AFF1: variants seen among roughly 807,000 people sequenced by gnomAD.
The protein encoded by AFF1 is AF4/FMR2 family member 1.
Under a neutral mutation model 121.7 loss-of-function variants are expected in AFF1, and 48 were observed. The observed-to-expected ratio is 0.39, with a 90% confidence interval of 0.31 to 0.50. The LOEUF is 0.50. Among genes scored for constraint, AFF1 ranks in the 20% least tolerant of loss-of-function variants. The pLI, the probability that AFF1 is intolerant of heterozygous loss-of-function variation, is 0.76. For synonymous variants in AFF1, 613 were observed against 563.0 expected, an observed-to-expected ratio of 1.09 and a Z score of -1.26; for missense variants, 1,523 against 1,511.7, an observed-to-expected ratio of 1.01 and a Z score of -0.12.
intron 1 of AFF1, among the ~76,000 whole-genome samples, chr4:86,945,656 A>G (rs964811241): frequency 2.6e-5 from 4 of 151,710 alleles, no homozygotes; most frequent in Non-Finnish European, 5.9e-5. Context: ...ATGTGCCACC[A>G]TGCCCAGCTA....
chr4:86,941,912 G>C (rs1037038996), intron 1 of AFF1, among the ~76,000 whole-genome samples: 1 of 150,920 alleles, frequency 6.6e-6, no homozygotes, highest in Non-Finnish European at 1.5e-5. Flanking sequence ...GACCCATGGA[G>C]AAATTGTCTC....
At chr4:87,009,749 G>A (rs541873733) in intron 2 of AFF1, among the ~76,000 whole-genome samples, 2 of 152,270 alleles carry the variant, frequency 1.3e-5, no homozygotes, top group African/African-American at 4.8e-5. Flanking sequence ...GGGATTTCAG[G>A]GAAACTCTAA....
intron 2 of AFF1, among the ~76,000 whole-genome samples, chr4:87,034,090 A>G (rs1457149707): frequency 6.6e-6 from 1 of 152,072 alleles, no homozygotes; most frequent in African/African-American, 2.4e-5. Flanking sequence ...GCTGGAGAGC[A>G]CCTCTGGTGG....
chr4:86,959,014 A>G (rs1721955684), intron 2 of AFF1, among the ~76,000 whole-genome samples: 1 of 152,226 alleles, frequency 6.6e-6, no homozygotes, highest in African/African-American at 2.4e-5. Context: ...GACAATGTCT[A>G]GAGAGATTTT....
intron 2 of AFF1, among the ~76,000 whole-genome samples, chr4:87,026,493 A>T (rs770518484): frequency 6.6e-6 from 1 of 152,116 alleles, no homozygotes; most frequent in Non-Finnish European, 1.5e-5. Flanking sequence ...TTCAGTTTCA[A>T]CAAAGTCGTG....
intron 4 of AFF1, among the ~76,000 whole-genome samples, chr4:87,061,246 T>C (rs1225041683): frequency 6.6e-6 from 1 of 152,188 alleles, no homozygotes; most frequent in South Asian, 2.1e-4. Flanking sequence ...GGCAGGAGCT[T>C]GTGCAGCAGA....
At chr4:86,954,713 AG>A (rs1164794007) in intron 2 of AFF1, among the ~76,000 whole-genome samples, 5 of 152,170 alleles carry the variant, frequency 3.3e-5, no homozygotes, top group African/African-American at 1.2e-4. Context: ...TGGGTGACAG[AG>A]CAAGACCCTG....
At chr4:86,988,159 A>G (rs1363059200) in intron 2 of AFF1, among the ~76,000 whole-genome samples, 4 of 151,944 alleles carry the variant, frequency 2.6e-5, no homozygotes, top group Admixed American at 6.5e-5. Flanking sequence ...CACTTAAAAC[A>G]TGTATCATTT....
chr4:86,964,570 G>A (rs891338011), intron 2 of AFF1, among the ~76,000 whole-genome samples: 1 of 151,894 alleles, frequency 6.6e-6, no homozygotes, highest in Non-Finnish European at 1.5e-5. Flanking sequence ...GAGTAGCTGG[G>A]GTTACAGGCA....
chr4:86,952,687 C>CTTTT (rs35008076), intron 2 of AFF1, among the ~76,000 whole-genome samples: 15 of 122,984 alleles, frequency 1.2e-4, no homozygotes, highest in East Asian at 2.3e-4. Flanking sequence ...AAAAACACAA[C>CTTTT]TTTTTTTTTT....
At chr4:87,027,561 G>A (rs1260750569) in intron 2 of AFF1, among the ~76,000 whole-genome samples, 2 of 152,182 alleles carry the variant, frequency 1.3e-5, no homozygotes, top group African/African-American at 4.8e-5. Flanking sequence ...TTGGAAAAAT[G>A]TGGGGCACAC....
At chr4:87,047,872 C>T (rs940004619) in intron 4 of AFF1, 1 of 484,878 alleles carries the variant, frequency 2.1e-6, no homozygotes. Flanking sequence ...CATAAGAGTA[C>T]AGTTTGTGTT....
intron 8 of AFF1, among the ~76,000 whole-genome samples, chr4:87,101,173 T>C (rs1328664685): frequency 6.6e-6 from 1 of 152,202 alleles, no homozygotes; most frequent in African/African-American, 2.4e-5. Flanking sequence ...TCATCTCTTC[T>C]TCGTTTAGCC....
chr4:86,963,207 G>A (rs754641155), intron 2 of AFF1, among the ~76,000 whole-genome samples: 4 of 144,106 alleles, frequency 2.8e-5, no homozygotes, highest in East Asian at 2.1e-4. Flanking sequence ...ATAACTATGT[G>A]TAAAGAAACT....
intron 4 of AFF1, 153 bp downstream of exon 4, chr4:87,047,747 GA>G (rs1730864313): frequency 1.0e-6 from 1 of 967,204 alleles, no homozygotes; most frequent in Admixed American, 1.7e-5. Flanking sequence ...AATAACCCGC[GA>G]AAAACTCAGA....
At chr4:87,075,471 A>G (rs2125787) in intron 4 of AFF1, among the ~76,000 whole-genome samples, 65,123 of 151,984 alleles carry the variant, frequency 0.43, 14,291 homozygotes, top group South Asian at 0.51. Flanking sequence ...CACATCTCTA[A>G]CATGATCTTC....
chr4:87,065,474 A>G (rs1384214417), intron 4 of AFF1, among the ~76,000 whole-genome samples: 2 of 150,522 alleles, frequency 1.3e-5, no homozygotes, highest in East Asian at 3.9e-4. Context: ...AAACAAACCT[A>G]GGGTTTCACA....
chr4:86,936,394 A>G (rs866103373), intron 1 of AFF1: 10 of 152,436 alleles, frequency 6.6e-5, no homozygotes, highest in South Asian at 2.1e-4. Flanking sequence ...ACTGAAGCAC[A>G]GAAACGTTAG....
intron 4 of AFF1, among the ~76,000 whole-genome samples, chr4:87,062,389 G>C (rs1269770494): frequency 6.6e-6 from 1 of 152,084 alleles, no homozygotes; most frequent in Non-Finnish European, 1.5e-5. Flanking sequence ...TGAGGGCAGC[G>C]AGCCCTCATG....
Sources: gnomAD v4.1 joint callset for allele counts (sites outside exome capture counted in the v4.1 genomes callset) on GRCh38, gnomAD v4.1.1 for gene constraint, MANE v1.5 for transcripts, NCBI Gene and HGNC (gene_info 2026-07-23, HGNC 2026-07-21) for gene names.